RYR1: variants seen among roughly 807,000 people sequenced by gnomAD.
The protein encoded by RYR1 is ryanodine receptor 1.
Under a neutral mutation model 583.5 loss-of-function variants are expected in RYR1, and 342 were observed. The ratio of observed to expected loss-of-function variants is 0.59; its 90% CI spans 0.54 to 0.64. RYR1 has a LOEUF of 0.64. RYR1 is among the 30% of genes least tolerant of loss of function. The pLI is 0.00. For synonymous variants in RYR1, 2,791 were observed against 2,822.5 expected (o/e 0.99, Z 0.35); for missense variants, 6,032 against 6,917.2 (o/e 0.87, Z 4.54).
At chr19:38,443,687 G>A in intron 4 of RYR1, 31 bp from the exon 5 acceptor site, 1 of 1,613,840 alleles carries the variant, frequency 6.2e-7, no homozygotes, top group Non-Finnish European at 8.5e-7. Context: ...GGGCCTGCTA[G>A]AAGGAGGCTG....
chr19:38,467,164 C>T (rs1449249190), intron 24 of RYR1, among the ~76,000 whole-genome samples: 1 of 152,146 alleles, frequency 6.6e-6, no homozygotes, highest in Non-Finnish European at 1.5e-5. Flanking sequence ...AGCCTTGACC[C>T]CAAACCCTGG....
intron 15 of RYR1, 31 bp downstream of exon 15, chr19:38,455,577 C>T: frequency 1.2e-6 from 2 of 1,611,700 alleles, no homozygotes; most frequent in Non-Finnish European, 8.5e-7. Flanking sequence ...GGGACAGAGG[C>T]TTGTGGGAGG....
chr19:38,565,827 A>G lies in RYR1; in HGVS notation c.13437+56A>G. 7.4e-7 allele frequency: 1 copy of G among 1,356,102 alleles called. No individual in the cohort carries two copies. Among genetic ancestry groups the G allele is most frequent in the African/African-American group, 1.5e-5 (1 of 65,004 alleles). 84.0% of individuals were successfully genotyped at this position (1,356,102 alleles called of 1,614,324 possible). A position where few individuals can be genotyped will look rare whatever the true frequency, so the allele number is the denominator to read the frequency against. ...GGAAAGATGGGGGATTGGAGGGAGGAAGAGAGCCCGGCTGGGTGGAGACAC... is the reference window on the plus strand; with the variant it reads ...GGAAAGATGGGGGATTGGAGGGAGGGAGAGAGCCCGGCTGGGTGGAGACAC... On this transcript the variant is annotated intron_variant, in intron 91 of 105. Coordinates refer to ENST00000359596, the MANE Select transcript of RYR1 (RefSeq NM_000540.3). The surrounding 1 kb of genome is among the most constrained non-coding windows in gnomAD (Gnocchi z 4.7).
chr19:38,528,480 T>C, intron 74 of RYR1, 62 bp downstream of exon 74: 2 of 1,598,610 alleles, frequency 1.3e-6, no homozygotes, highest in Non-Finnish European at 1.7e-6. Flanking sequence ...CTGGAGAGTC[T>C]GGAGAATGGA....
rs577910069 is a variant in RYR1 at position 38,506,610 on chromosome 19, C to A, written c.8692+64C>A. On this transcript the variant is annotated intron_variant, in intron 56 of 105. Coordinates refer to ENST00000359596, the MANE Select transcript of RYR1 (RefSeq NM_000540.3). ...ATTCACCGTGTGGTTTTGCTGATTG[C>A]CTTCATGCCCCTGAAACTCGGTTTC... 4.5e-5 allele frequency: 71 copies of A among 1,576,946 alleles called. No homozygotes were observed. The East Asian group carries it at 1.4e-3, about 32-fold the overall frequency.
At chr19:38,530,965 G>A (rs1282942605) in intron 76 of RYR1, among the ~76,000 whole-genome samples, 1 of 149,720 alleles carries the variant, frequency 6.7e-6, no homozygotes, top group Non-Finnish European at 1.5e-5. Flanking sequence ...ACCATGCCCA[G>A]CTATTTTTCT....
chr19:38,498,453 A>G lies in RYR1; in HGVS notation c.6892-655A>G, dbSNP rs1969947392. Among the ~76,000 whole-genome samples the G allele has an allele frequency of 1.3e-5, 2 of 152,164 alleles. 1 individual carries two copies. The highest frequency in any genetic ancestry group is 4.1e-4 in the South Asian group (2 of 4,830). Reference sequence around the variant, plus strand: ...GGAAAGGGGTCTGGATCCAGGCCCAAAGAGAAGGTTCTTGGATCTCATGTA... The same window carrying G: ...GGAAAGGGGTCTGGATCCAGGCCCAGAGAGAAGGTTCTTGGATCTCATGTA... On this transcript the variant is annotated intron_variant, in intron 42 of 105. Transcript: ENST00000359596.
At chr19:38,450,235 G>A (rs1481891003) in intron 11 of RYR1, among the ~76,000 whole-genome samples, 2 of 152,326 alleles carry the variant, frequency 1.3e-5, no homozygotes, top group East Asian at 3.9e-4. Context: ...GACCAGGAGG[G>A]GACTGTGGAG....
intron 21 of RYR1, 104 bp downstream of exon 21, chr19:38,463,631 G>T: frequency 6.9e-7 from 1 of 1,449,724 alleles, no homozygotes; most frequent in Non-Finnish European, 9.7e-7. Context: ...GGGCACCAGG[G>T]GGTCCTTGGA....
Position 38,561,146 on chromosome 19 carries a change from G to A in RYR1, c.12316G>A (p.Glu4106Lys). ...CAGCCAGAAGCAGTTCAGCGGTCCAGAAATCCAGTTCCTGCTTTCGTGCTC... is the reference window on the plus strand; with the variant it reads ...CAGCCAGAAGCAGTTCAGCGGTCCAAAAATCCAGTTCCTGCTTTCGTGCTC... Reference protein sequence around the residue: ...MDSQKQFSGPEIQFLLSCSEA... With the variant: ...MDSQKQFSGPKIQFLLSCSEA... Residue 4106 changes from glutamate to lysine, a missense_variant, in exon 90 of 106, where the codon GAA becomes AAA. Physicochemically the swap from Glu to Lys is moderately conservative, Grantham distance 56. Coordinates refer to ENST00000359596, the MANE Select transcript of RYR1 (RefSeq NM_000540.3). The surrounding 1 kb of genome is among the most constrained non-coding windows in gnomAD (Gnocchi z 4.8). The A allele has an allele frequency of 6.2e-7, 1 of 1,614,130 alleles. No individual in the cohort carries two copies.
In RYR1 at chr19:38,512,585, T is replaced by C; in HGVS notation, c.9472+102T>C. 8.7e-7 allele frequency: 1 copy of C among 1,147,842 alleles called. No homozygotes were observed. Among genetic ancestry groups the C allele is most frequent in the Non-Finnish European group, 1.3e-6 (1 of 772,502 alleles). 71.1% of individuals were successfully genotyped at this position (1,147,842 alleles called of 1,614,324 possible). A position where few individuals can be genotyped will look rare whatever the true frequency, so the allele number is the denominator to read the frequency against. ...TCCCTGGGTGTTTGAATGTGTGGAT[T>C]TCTTGCTGTAAGCAAAGCATGCAGT... On this transcript the variant is annotated intron_variant, in intron 63 of 105. Transcript: ENST00000359596. The surrounding 1 kb of genome is among the most constrained non-coding windows in gnomAD (Gnocchi z 5.1).
chr19:38,506,719 G>A, intron 56 of RYR1, 110 bp from the exon 57 acceptor site: 2 of 1,531,124 alleles, frequency 1.3e-6, no homozygotes, highest in Non-Finnish European at 8.9e-7. Context: ...TCCGTTATTC[G>A]TATCTTCTTT....
In RYR1 at chr19:38,528,419, G is replaced by C. The variant is rs775682151; in HGVS notation, c.10937+1G>C. 2.5e-6 allele frequency: 4 copies of C among 1,613,832 alleles called. No homozygotes were observed. Among genetic ancestry groups the C allele is most frequent in the East Asian group, 2.2e-5 (1 of 44,886 alleles). On this transcript the variant is annotated splice_donor_variant, in intron 74 of 105. Coordinates refer to ENST00000359596, the MANE Select transcript of RYR1 (RefSeq NM_000540.3). LOFTEE classifies it high-confidence loss of function. ...TGACGCCCCTGTACAACCTGCCCAC[G>C]TAAGGCCCCCAGGGACAAGGGAAGC...
intron 88 of RYR1, 135 bp downstream of exon 88, chr19:38,546,661 A>C: frequency 1.3e-6 from 1 of 762,576 alleles, no homozygotes; most frequent in Non-Finnish European, 2.3e-6. Flanking sequence ...TTGATGAAGA[A>C]GCCATAATAG....
At chr19:38,581,590 C>G (rs1164457014) in intron 101 of RYR1, among the ~76,000 whole-genome samples, 5 of 151,828 alleles carry the variant, frequency 3.3e-5, no homozygotes, top group African/African-American at 9.7e-5. Context: ...ATTATTTGAG[C>G]TGAGGTTTTT....
intron 89 of RYR1, 40 bp downstream of exon 89, chr19:38,548,460 G>A: frequency 6.3e-7 from 1 of 1,599,992 alleles, no homozygotes; most frequent in Non-Finnish European, 8.6e-7. Flanking sequence ...ACTTGGGTGG[G>A]GTTGCCAAGG....
At chr19:38,585,530 G>A (rs1974444195) in intron 102 of RYR1, among the ~76,000 whole-genome samples, 1 of 150,980 alleles carries the variant, frequency 6.6e-6, no homozygotes, top group Non-Finnish European at 1.5e-5. Context: ...CCAGAGTTCA[G>A]TGGTGCAATC....
intron 89 of RYR1, among the ~76,000 whole-genome samples, chr19:38,560,223 CA>C (rs1380929452): frequency 6.6e-6 from 1 of 151,992 alleles, no homozygotes; most frequent in Non-Finnish European, 1.5e-5. Flanking sequence ...ATTCACCAGG[CA>C]CAGTGGCATG....
intron 81 of RYR1, 129 bp downstream of exon 81, chr19:38,535,521 A>G: frequency 1.3e-6 from 1 of 766,810 alleles, no homozygotes; most frequent in Non-Finnish European, 2.4e-6. Context: ...AATCGCTCAA[A>G]TAACAGGGAA....
Sources: gnomAD v4.1 joint callset for allele counts (sites outside exome capture counted in the v4.1 genomes callset) on GRCh38, gnomAD v4.1.1 for gene constraint, Gnocchi (gnomAD v3.1) non-coding constraint, MANE v1.5 for transcripts, NCBI Gene and HGNC (gene_info 2026-07-23, HGNC 2026-07-21) for gene names.